MACROD2: variants seen among roughly 807,000 people sequenced by gnomAD.
MACROD2 encodes the protein ADP-ribose glycohydrolase MACROD2.
A neutral mutation model predicts 70.4 loss-of-function variants in MACROD2; 36 were observed. The ratio of observed to expected loss-of-function variants is 0.51; its 90% CI spans 0.39 to 0.68. The LOEUF (loss-of-function observed/expected upper bound fraction) is 0.68. Among genes scored for constraint, MACROD2 ranks in the 30% least tolerant of loss-of-function variants. The pLI is 0.00. For synonymous variants in MACROD2, 172 were observed against 178.8 expected (o/e 0.96, Z 0.30); for missense variants, 496 against 538.4 (o/e 0.92, Z 0.78).
chr20:14,620,311 G>C (rs777065007), intron 4 of MACROD2, among the ~76,000 whole-genome samples: 17 of 151,988 alleles, frequency 1.1e-4, no homozygotes, highest in Non-Finnish European at 2.2e-4. Flanking sequence ...TTTGAATGAA[G>C]ACAAGGTGGA....
intron 5 of MACROD2, among the ~76,000 whole-genome samples, chr20:15,069,616 A>G (rs1431123431): frequency 6.6e-6 from 1 of 152,236 alleles, no homozygotes; most frequent in Non-Finnish European, 1.5e-5. Context: ...GCAGTGCTGT[A>G]GCTTCAGCTA....
chr20:15,924,500 A>T (rs1224201139), intron 10 of MACROD2, among the ~76,000 whole-genome samples: 1 of 152,090 alleles, frequency 6.6e-6, no homozygotes, highest in Non-Finnish European at 1.5e-5. Flanking sequence ...AGAGGAAACA[A>T]CTTTTTTTTA....
intron 7 of MACROD2, among the ~76,000 whole-genome samples, chr20:15,484,831 G>C (rs961944971): frequency 2.0e-5 from 3 of 152,098 alleles, no homozygotes; most frequent in African/African-American, 7.2e-5. Flanking sequence ...CCGTCAGTTA[G>C]AGTTTAGGCT....
chr20:15,919,138 A>C (rs2065363477), intron 10 of MACROD2, among the ~76,000 whole-genome samples: 1 of 152,230 alleles, frequency 6.6e-6, no homozygotes, highest in Non-Finnish European at 1.5e-5. Context: ...TTATCCAAAA[A>C]AAAGAACATT....
At chr20:14,019,102 T>C (rs1459606756) in intron 2 of MACROD2, among the ~76,000 whole-genome samples, 1 of 152,178 alleles carries the variant, frequency 6.6e-6, no homozygotes, top group Non-Finnish European at 1.5e-5. Context: ...GTTCAGTTAC[T>C]GAGGTTCTGT....
intron 3 of MACROD2, among the ~76,000 whole-genome samples, chr20:14,419,909 CAT>C (rs1455071382): frequency 2.0e-5 from 3 of 152,036 alleles, no homozygotes; most frequent in East Asian, 1.9e-4. Flanking sequence ...AAAAATGTAT[CAT>C]GTGGATAAAT....
chr20:14,035,345 G>A (rs1458219276), intron 2 of MACROD2, among the ~76,000 whole-genome samples: 1 of 152,154 alleles, frequency 6.6e-6, no homozygotes, highest in Non-Finnish European at 1.5e-5. Context: ...TAATTTTACT[G>A]TTTAGGAGCA....
chr20:15,274,447 T>C (rs2077373063), intron 6 of MACROD2, among the ~76,000 whole-genome samples: 1 of 152,222 alleles, frequency 6.6e-6, no homozygotes, highest in African/African-American at 2.4e-5. Flanking sequence ...CTCCTGGTTC[T>C]TACTCTAGAA....
intron 10 of MACROD2, among the ~76,000 whole-genome samples, chr20:15,917,160 G>GT (rs1171556810): frequency 1.3e-5 from 2 of 152,118 alleles, no homozygotes; most frequent in Non-Finnish European, 2.9e-5. Context: ...CCCAGCCATG[G>GT]TAAGAGTCTT....
At chr20:15,885,479 T>C (rs904819246) in intron 9 of MACROD2, among the ~76,000 whole-genome samples, 15 of 152,288 alleles carry the variant, frequency 9.8e-5, no homozygotes, top group African/African-American at 3.6e-4. Context: ...GAAGTGACCA[T>C]ATATAATTTC....
Position 14,230,654 on chromosome 20 carries a change from T to TATATATATATAAAAAA in MACROD2, c.271+144927_271+144928insTATATATATAAAAAAA. ...GTTTATATATATATATATATATATATAACACAGGCTGGGCCTATATATATA... is the reference window on the plus strand; with the variant it reads ...GTTTATATATATATATATATATATATATATATATATAAAAAAAACACAGGCTGGGCCTATATATATA... On this transcript the variant is annotated intron_variant, in intron 3 of 17. Transcript: ENST00000684519. Among the ~76,000 whole-genome samples, 63 of 74,222 alleles carry TATATATATATAAAAAA rather than the reference T, an allele frequency of 8.5e-4. 2 individuals carry two copies. Among genetic ancestry groups the TATATATATATAAAAAA allele is most frequent in the African/African-American group, 2.9e-3 (43 of 14,812 alleles). The allele number at this position is 74,222 out of a possible 152,430, so 48.7% of individuals were successfully genotyped here.
intron 5 of MACROD2, among the ~76,000 whole-genome samples, chr20:14,889,794 A>T (rs76567174): frequency 5.3e-5 from 8 of 152,058 alleles, no homozygotes; most frequent in Non-Finnish European, 1.2e-4. Context: ...TGAATTGGGA[A>T]GCCAGTGCAG....
chr20:15,376,401 C>T (rs971731554), intron 6 of MACROD2, among the ~76,000 whole-genome samples: 5 of 152,128 alleles, frequency 3.3e-5, no homozygotes, highest in African/African-American at 9.7e-5. Context: ...ACCTCAATAT[C>T]TCTGCATTGA....
At chr20:14,432,212 A>G (rs1354563601) in intron 3 of MACROD2, among the ~76,000 whole-genome samples, 1 of 151,930 alleles carries the variant, frequency 6.6e-6, no homozygotes, top group Admixed American at 6.6e-5. Context: ...TCATGTTCCT[A>G]CCTTAGGGCT....
At chr20:14,759,140 A>G (rs2071982171) in intron 5 of MACROD2, among the ~76,000 whole-genome samples, 1 of 152,030 alleles carries the variant, frequency 6.6e-6, no homozygotes, top group Non-Finnish European at 1.5e-5. Context: ...GCTCATTGTA[A>G]TTTTCAAGTC....
At chr20:14,624,844 C>G (rs1422846431) in intron 4 of MACROD2, among the ~76,000 whole-genome samples, 1 of 152,152 alleles carries the variant, frequency 6.6e-6, no homozygotes, top group East Asian at 1.9e-4. Flanking sequence ...TAGATGAATG[C>G]CAGCCAGAAA....
chr20:14,250,015 G>A (rs1260074208), intron 3 of MACROD2, among the ~76,000 whole-genome samples: 1 of 152,076 alleles, frequency 6.6e-6, no homozygotes, highest in Non-Finnish European at 1.5e-5. Context: ...TGGGGTGAGG[G>A]TGGATATGGG....
chr20:15,447,263 G>A (rs1316476421), intron 7 of MACROD2, among the ~76,000 whole-genome samples: 1 of 152,190 alleles, frequency 6.6e-6, no homozygotes, highest in African/African-American at 2.4e-5. Context: ...CAAGCTGGCT[G>A]CAAGCTATGG....
intron 8 of MACROD2, among the ~76,000 whole-genome samples, chr20:15,672,249 A>G (rs1302815030): frequency 2.0e-5 from 3 of 151,992 alleles, no homozygotes; most frequent in South Asian, 2.1e-4. Context: ...TCCAGGTTAG[A>G]AATTCTTCAT....
Sources: allele counts gnomAD v4.1 joint callset (sites outside exome capture counted in the v4.1 genomes callset), GRCh38; gene constraint gnomAD v4.1.1; transcripts MANE v1.5; gene names NCBI Gene and HGNC (gene_info 2026-07-23, HGNC 2026-07-21).